The following CLVS1 variants were observed in gnomAD, a reference collection of about 807,000 sequenced individuals.
The protein encoded by CLVS1 is clavesin-1.
Under a neutral mutation model 33.1 loss-of-function variants are expected in CLVS1, and 10 were observed. That is an observed-to-expected ratio of 0.30 (90% CI 0.19 to 0.51). The LOEUF (loss-of-function observed/expected upper bound fraction) is 0.51, where lower values mean the gene tolerates loss of function less well. Ranked by LOEUF, CLVS1 falls within the 20% of genes least tolerant of loss-of-function variation. CLVS1 has a pLI of 0.97. For synonymous variants in CLVS1, 163 were observed against 166.1 expected, an observed-to-expected ratio of 0.98 and a Z score of 0.14; for missense variants, 343 against 433.4, an observed-to-expected ratio of 0.79 and a Z score of 1.85.
chr8:61,482,426 C>A (rs754728203), intron 5 of CLVS1, among the ~76,000 whole-genome samples: 2 of 152,182 alleles, frequency 1.3e-5, no homozygotes, highest in Admixed American at 1.3e-4. Flanking sequence ...GGAGGATGTT[C>A]GAACCCATTG....
chr8:61,285,697 T>C (rs1325948461), upstream of CLVS1, among the ~76,000 whole-genome samples: 1 of 152,152 alleles, frequency 6.6e-6, no homozygotes, highest in Non-Finnish European at 1.5e-5. Flanking sequence ...GCCTTGTGTG[T>C]GTTGACCAGT....
the CLVS1 span, among the ~76,000 whole-genome samples, chr8:60,974,704 G>A: frequency 6.6e-5 from 10 of 151,970 alleles, no homozygotes; most frequent in African/African-American, 1.2e-4. Context: ...GCATGAACCC[G>A]GGAGGCGGAG....
chr8:61,080,384 T>C (rs1377286584), intron 1 of CLVS1, among the ~76,000 whole-genome samples: 1 of 152,196 alleles, frequency 6.6e-6, no homozygotes, highest in Non-Finnish European at 1.5e-5. Context: ...TAAAGAAAGA[T>C]AGAAAATAAT....
intron 5 of CLVS1, among the ~76,000 whole-genome samples, chr8:61,493,531 C>A (rs1011119147): frequency 1.3e-5 from 2 of 152,070 alleles, no homozygotes; most frequent in Non-Finnish European, 1.5e-5. Context: ...ATGAGGAGGC[C>A]GAATTCACCC....
chr8:61,408,910 G>A (rs16927297), intron 3 of CLVS1, among the ~76,000 whole-genome samples: 4,753 of 152,240 alleles, frequency 0.031, 222 homozygotes, highest in African/African-American at 0.11. Flanking sequence ...ATGGGGAAAC[G>A]ATGGTCTCCA....
chr8:61,386,372 A>T (rs1814085114), intron 3 of CLVS1, among the ~76,000 whole-genome samples: 1 of 152,222 alleles, frequency 6.6e-6, no homozygotes, highest in African/African-American at 2.4e-5. Flanking sequence ...TGAATCTGTA[A>T]TTTTACCTAT....
At chr8:61,398,497 T>C (rs1042195452) in intron 3 of CLVS1, among the ~76,000 whole-genome samples, 1 of 152,166 alleles carries the variant, frequency 6.6e-6, no homozygotes, top group African/African-American at 2.4e-5. Context: ...CTTGCATTTC[T>C]TTTGTTAAAT....
At chr8:61,347,779 G>T (rs922285058) in intron 2 of CLVS1, among the ~76,000 whole-genome samples, 1 of 149,170 alleles carries the variant, frequency 6.7e-6, no homozygotes, top group Admixed American at 6.7e-5. Context: ...CATATCCTTT[G>T]GCTATATACT....
intron 1 of CLVS1, among the ~76,000 whole-genome samples, chr8:61,077,324 G>A (rs1306522109): frequency 6.6e-6 from 1 of 151,944 alleles, no homozygotes; most frequent in East Asian, 1.9e-4. Flanking sequence ...ACCCGCCTCG[G>A]CCTCCCAAAG....
chr8:61,322,444 A>G (rs1811227538), intron 2 of CLVS1, among the ~76,000 whole-genome samples: 1 of 152,162 alleles, frequency 6.6e-6, no homozygotes, highest in African/African-American at 2.4e-5. Flanking sequence ...AATGATAAGT[A>G]ACTGGAATGT....
chr8:61,418,425 A>C (rs1218851787), intron 3 of CLVS1, among the ~76,000 whole-genome samples: 2 of 152,166 alleles, frequency 1.3e-5, no homozygotes, highest in Admixed American at 6.5e-5. Flanking sequence ...CCTGTTACCT[A>C]ACAAAGCCAA....
At chr8:61,262,829 A>G (rs1257335937) in intron 2 of CLVS1, among the ~76,000 whole-genome samples, 1 of 152,072 alleles carries the variant, frequency 6.6e-6, no homozygotes, top group African/African-American at 2.4e-5. Flanking sequence ...CCTGAGGTCT[A>G]CCAGGAGATT....
chr8:61,205,682 C>T (rs1807825096), intron 2 of CLVS1, among the ~76,000 whole-genome samples: 1 of 152,092 alleles, frequency 6.6e-6, no homozygotes, highest in Admixed American at 6.6e-5. Flanking sequence ...GAGCAACCAC[C>T]ATCTAGTTTT....
chr8:61,394,781 A>G (rs1814451285), intron 3 of CLVS1, among the ~76,000 whole-genome samples: 1 of 152,202 alleles, frequency 6.6e-6, no homozygotes, highest in Non-Finnish European at 1.5e-5. Context: ...TAATGGCTGT[A>G]CCAATTTACA....
At chr8:61,004,467 C>T in the CLVS1 span, among the ~76,000 whole-genome samples, 6 of 152,190 alleles carry the variant, frequency 3.9e-5, no homozygotes, top group Non-Finnish European at 8.8e-5. Flanking sequence ...TGTGAGAGGC[C>T]AGCCCTGACT....
In CLVS1 at chr8:61,427,960, G is replaced by A. The variant is rs73685009; in HGVS notation, c.631-26181G>A. 4.5e-4 allele frequency among the ~76,000 whole-genome samples: 68 copies of A among 152,144 alleles called. No homozygotes were observed. The East Asian group carries it at 8.1e-3, about 18-fold the overall frequency. ...GCCCCTGGCACACAGACACACACAC[G>A]ATATGCACCAATAACACAAAACCCA... is the stretch of plus-strand genomic sequence containing the variant. On this transcript the variant is annotated intron_variant, in intron 3 of 5. Coordinates refer to ENST00000325897, the MANE Select transcript of CLVS1 (RefSeq NM_173519.3).
intron 2 of CLVS1, among the ~76,000 whole-genome samples, chr8:61,359,517 G>T (rs924902765): frequency 6.6e-6 from 1 of 152,098 alleles, no homozygotes; most frequent in South Asian, 2.1e-4. Context: ...CATCATGCCC[G>T]GCTAATTTTT....
At chr8:61,192,923 A>G (rs1460763554) in intron 2 of CLVS1, among the ~76,000 whole-genome samples, 1 of 152,164 alleles carries the variant, frequency 6.6e-6, no homozygotes, top group Non-Finnish European at 1.5e-5. Flanking sequence ...CTGTTGGTGG[A>G]ACTGTAAACT....
chr8:61,495,080 C>G (rs1183793502), intron 5 of CLVS1, among the ~76,000 whole-genome samples: 1 of 152,206 alleles, frequency 6.6e-6, no homozygotes, highest in East Asian at 1.9e-4. Flanking sequence ...GCTGCCAGTA[C>G]ATCTATTAGA....
Sources: gnomAD v4.1 joint callset for allele counts (sites outside exome capture counted in the v4.1 genomes callset) on GRCh38, gnomAD v4.1.1 for gene constraint, MANE v1.5 for transcripts, NCBI Gene and HGNC (gene_info 2026-07-23, HGNC 2026-07-21) for gene names.